DIAPH2: variants seen among roughly 807,000 people sequenced by gnomAD.
DIAPH2 encodes protein diaphanous homolog 2.
DIAPH2 carries 35 observed loss-of-function variants against 92.7 expected under a neutral mutation model. The observed-to-expected ratio is 0.38, with a 90% CI of 0.29 to 0.50. The LOEUF (loss-of-function observed/expected upper bound fraction) is 0.50, where lower values mean the gene tolerates loss of function less well. DIAPH2 is among the 20% of genes least tolerant of loss of function. The pLI is 0.94. For synonymous variants in DIAPH2, 301 were observed against 280.4 expected (o/e 1.07, Z -0.73); for missense variants, 701 against 819.5 (o/e 0.86, Z 1.77).
At chrX:97,296,124 T>C (rs1488086994) in intron 23 of DIAPH2, among the ~76,000 whole-genome samples, 1 of 111,573 alleles carries the variant, frequency 9.0e-6, no homozygotes, top group Non-Finnish European at 1.9e-5. Flanking sequence ...CCAGAACTAT[T>C]GCAGTAGTAG....
At chrX:96,959,694 A>T (rs1238822699) in intron 16 of DIAPH2, among the ~76,000 whole-genome samples, 2 of 111,400 alleles carry the variant, frequency 1.8e-5, no homozygotes, top group East Asian at 2.8e-4. Context: ...ATCTTTGCCT[A>T]TATTAGTGTC....
At chrX:96,695,808 C>T (rs751334542) in intron 1 of DIAPH2, among the ~76,000 whole-genome samples, 3 of 111,321 alleles carry the variant, frequency 2.7e-5, no homozygotes, top group African/African-American at 6.5e-5. Flanking sequence ...TGTCTGACCA[C>T]GGAGATAACA....
intron 26 of DIAPH2, among the ~76,000 whole-genome samples, chrX:97,508,615 T>C (rs185774760): frequency 8.2e-4 from 92 of 112,149 alleles, no homozygotes; most frequent in African/African-American, 2.9e-3. Flanking sequence ...CAGCCCACCC[T>C]CATTCCCTAA....
chrX:96,846,719 T>G (rs1256710589), intron 4 of DIAPH2, among the ~76,000 whole-genome samples: 1 of 111,108 alleles, frequency 9.0e-6, no homozygotes, highest in Non-Finnish European at 1.9e-5. Flanking sequence ...ATATTTAGTG[T>G]TTTTTAGTTG....
chrX:96,725,031 G>A (rs2064012643), intron 1 of DIAPH2, among the ~76,000 whole-genome samples: 1 of 111,634 alleles, frequency 9.0e-6, no homozygotes, highest in African/African-American at 3.3e-5. Context: ...TAAATACAGC[G>A]AAGAGTCCGT....
intron 4 of DIAPH2, among the ~76,000 whole-genome samples, chrX:96,810,768 A>T (rs757508416): frequency 2.7e-5 from 3 of 111,723 alleles, no homozygotes; most frequent in Admixed American, 9.5e-5. Flanking sequence ...CCATTTATTA[A>T]ATAGGGAATC....
At chrX:97,097,934 GATTTC>G (rs2066880229) in intron 19 of DIAPH2, among the ~76,000 whole-genome samples, 1 of 111,892 alleles carries the variant, frequency 8.9e-6, no homozygotes, top group Admixed American at 9.5e-5. Flanking sequence ...GGATTCTCTT[GATTTC>G]ATTTCAGTAT....
intron 26 of DIAPH2, among the ~76,000 whole-genome samples, chrX:97,582,962 G>A (rs1451909526): frequency 1.8e-5 from 2 of 111,030 alleles, no homozygotes; most frequent in African/African-American, 3.3e-5. Context: ...CCAGTTGATC[G>A]CATCGGCTCC....
At chrX:97,324,546 TTTTG>T (rs1259505001) in intron 23 of DIAPH2, among the ~76,000 whole-genome samples, 3 of 112,036 alleles carry the variant, frequency 2.7e-5, no homozygotes, top group East Asian at 2.8e-4. Context: ...GCATCTCAAT[TTTTG>T]TTCTTGTTTT....
At chrX:97,066,527 T>A (rs1191211372) in intron 17 of DIAPH2, among the ~76,000 whole-genome samples, 1 of 112,011 alleles carries the variant, frequency 8.9e-6, no homozygotes, top group Non-Finnish European at 1.9e-5. Context: ...AAACAAGATG[T>A]AAGTGTACTA....
chrX:96,833,373 G>T (rs2064867902), intron 4 of DIAPH2, among the ~76,000 whole-genome samples: 1 of 110,886 alleles, frequency 9.0e-6, no homozygotes, highest in South Asian at 3.7e-4. Flanking sequence ...TTTAATTAGT[G>T]TGTATTTAAA....
At chrX:97,501,323 C>G (rs2070796568) in intron 26 of DIAPH2, among the ~76,000 whole-genome samples, 1 of 111,741 alleles carries the variant, frequency 8.9e-6, no homozygotes, top group African/African-American at 3.3e-5. Context: ...CATCTAGTCT[C>G]TTTTCAAAAG....
At chrX:97,137,651 C>T (rs5921405) in intron 21 of DIAPH2, among the ~76,000 whole-genome samples, 17,596 of 109,820 alleles carry the variant, frequency 0.16, 1,506 homozygotes, top group African/African-American at 0.32. Context: ...GAAGGGCGTC[C>T]ACACAGAGAG....
intron 22 of DIAPH2, among the ~76,000 whole-genome samples, chrX:97,221,044 T>G (rs1156946270): frequency 9.0e-6 from 1 of 111,403 alleles, no homozygotes. Context: ...TTGTTGTTGT[T>G]GTTGTTGCTT....
At chrX:96,694,665 A>G (rs899590641) in intron 1 of DIAPH2, among the ~76,000 whole-genome samples, 17 of 111,764 alleles carry the variant, frequency 1.5e-4, no homozygotes, top group Non-Finnish European at 2.1e-4. Flanking sequence ...AGTTTGTACC[A>G]TGCTTATTTC....
intron 22 of DIAPH2, 46 bp from the exon 23 acceptor site, chrX:97,247,669 G>C: frequency 8.9e-7 from 1 of 1,117,963 alleles, no homozygotes; most frequent in Non-Finnish European, 1.2e-6. Context: ...ATGTTTTGTG[G>C]AACACTTGGT....
chrX:97,157,411 T>C (rs1380114040), intron 22 of DIAPH2, among the ~76,000 whole-genome samples: 9 of 110,922 alleles, frequency 8.1e-5, no homozygotes, highest in Non-Finnish European at 1.3e-4. Context: ...GATGTCCTGA[T>C]ATCTGGAGAA....
At chrX:96,746,488 G>A (rs1016574414) in intron 3 of DIAPH2, among the ~76,000 whole-genome samples, 12 of 111,756 alleles carry the variant, frequency 1.1e-4, no homozygotes, top group Non-Finnish European at 5.6e-5. Context: ...GGTAAAGGTA[G>A]TAGGATGAAA....
intron 26 of DIAPH2, among the ~76,000 whole-genome samples, chrX:97,535,475 A>C (rs183791253): frequency 8.9e-6 from 1 of 111,937 alleles, no homozygotes; most frequent in Non-Finnish European, 1.9e-5. Context: ...TTTTTGAGAC[A>C]GAGTCTCACT....
Sources: allele counts gnomAD v4.1 joint callset (sites outside exome capture counted in the v4.1 genomes callset), GRCh38; gene constraint gnomAD v4.1.1; transcripts MANE v1.5; gene names NCBI Gene and HGNC (gene_info 2026-07-23, HGNC 2026-07-21).